The following COL22A1 variants were observed in gnomAD, a reference collection of about 807,000 sequenced individuals.
The protein encoded by COL22A1 is collagen alpha-1(XXII) chain.
A neutral mutation model predicts 248.9 loss-of-function variants in COL22A1; 221 were observed. That is an observed-to-expected ratio of 0.89 (90% CI 0.80 to 0.99). The LOEUF (loss-of-function observed/expected upper bound fraction) is 0.99. COL22A1 is among the 50% of genes least tolerant of loss of function. The probability of loss-of-function intolerance (pLI) is 0.00; values close to 1 mark genes in which losing one functional copy is unlikely to be tolerated. For missense variants in COL22A1, 2,240 were observed against 2,179.0 expected (o/e 1.03, Z -0.56); for synonymous variants, 891 against 793.4 (o/e 1.12, Z -2.07).
intron 3 of COL22A1, among the ~76,000 whole-genome samples, chr8:138,874,141 G>C (rs2132024704): frequency 6.6e-6 from 1 of 152,308 alleles, no homozygotes; most frequent in Middle Eastern, 3.4e-3. Flanking sequence ...ATTGTAAGGG[G>C]ATTTCATTTC....
intron 6 of COL22A1, chr8:138,825,823 A>C (rs1369157494): frequency 1.3e-5 from 2 of 152,204 alleles, no homozygotes; most frequent in Admixed American, 6.5e-5. Context: ...TTTTACTAGG[A>C]GAGGAGAAAG....
chr8:138,723,854 C>G (rs1236140220), intron 25 of COL22A1, among the ~76,000 whole-genome samples: 1 of 152,180 alleles, frequency 6.6e-6, no homozygotes, highest in African/African-American at 2.4e-5. Flanking sequence ...TCCACATTCT[C>G]CCATGGATCT....
At position 138,913,901 on chromosome 8, in the gene COL22A1, A is replaced by C. The variant is rs1815630637; in HGVS notation, c.-355T>G. On this transcript the variant is annotated 5_prime_UTR_variant, in exon 1 of 65. Transcript: ENST00000303045. ...TTAGAAGGAAAGGCTTGAAAGTTACAGAATGAGATAGAAAGTGTGTGAGAA... is the reference window on the plus strand; with the variant it reads ...TTAGAAGGAAAGGCTTGAAAGTTACCGAATGAGATAGAAAGTGTGTGAGAA... 6.6e-6 allele frequency: 1 copy of C among 152,378 alleles called. No individual in the cohort carries two copies. The highest frequency in any genetic ancestry group is 6.5e-5 in the Admixed American group (1 of 15,294). 9.4% of individuals were successfully genotyped at this position (152,378 alleles called of 1,614,324 possible).
chr8:138,762,294 C>T, intron 17 of COL22A1, 119 bp downstream of exon 17: 2 of 982,378 alleles, frequency 2.0e-6, no homozygotes, highest in East Asian at 2.5e-5. Context: ...CTGCAGCCTC[C>T]AGCTGAGCAA....
intron 42 of COL22A1, among the ~76,000 whole-genome samples, chr8:138,662,747 T>A (rs1824080089): frequency 6.6e-6 from 1 of 151,922 alleles, no homozygotes; most frequent in African/African-American, 2.4e-5. Context: ...CCATCTAGAG[T>A]CCCACCTGTC....
chr8:138,601,754 T>G (rs529372204), intron 60 of COL22A1, among the ~76,000 whole-genome samples: 1 of 152,296 alleles, frequency 6.6e-6, no homozygotes, highest in Non-Finnish European at 1.5e-5. Flanking sequence ...AAATTGGCAC[T>G]TCGGGAGCCG....
intron 47 of COL22A1, among the ~76,000 whole-genome samples, chr8:138,640,322 G>C (rs1821567449): frequency 6.6e-6 from 1 of 152,126 alleles, no homozygotes; most frequent in Admixed American, 6.5e-5. Context: ...TAAGAGTGCT[G>C]TCCTTCATGA....
intron 11 of COL22A1, among the ~76,000 whole-genome samples, chr8:138,799,332 T>C (rs1816814908): frequency 6.6e-6 from 1 of 152,252 alleles, no homozygotes; most frequent in Non-Finnish European, 1.5e-5. Flanking sequence ...TCAGGCAGTT[T>C]CTCTTGTCTG....
At chr8:138,809,712 G>A (rs763795793) in intron 9 of COL22A1, among the ~76,000 whole-genome samples, 21 of 151,752 alleles carry the variant, frequency 1.4e-4, no homozygotes, top group Non-Finnish European at 2.8e-4. Flanking sequence ...TAGAGACAGG[G>A]TTTCACCATG....
Position 138,662,076 on chromosome 8 carries a change from C to T in COL22A1, c.3194G>A (p.Arg1065Gln), listed in dbSNP as rs767847955. 19 of 1,612,008 alleles carry T rather than the reference C, an allele frequency of 1.2e-5. No homozygotes were observed. The highest frequency in any genetic ancestry group is 1.7e-4 in the Middle Eastern group (1 of 6,056). Residue 1065 changes from arginine (R) to glutamine (Q), a missense_variant, in exon 43 of 65, where the codon CGA (arginine) becomes CAA (glutamine). Transcript: ENST00000303045. ...GGGGCCAGGGAATCCAGGTAAGCCT[C>T]GTGATCCCTGAAGAAAAAGAAAAGA... ...PPGDKGSPGS[R>Q]GLPGFPGPQG... is the part of the protein sequence containing the mutation.
At chr8:138,690,798 T>C in intron 36 of COL22A1, 23 bp downstream of exon 36, 1 of 1,599,338 alleles carries the variant, frequency 6.3e-7, no homozygotes. Flanking sequence ...GGGCCGTGCG[T>C]ATGCCCTCTC....
intron 7 of COL22A1, among the ~76,000 whole-genome samples, chr8:138,816,250 G>C (rs1244326326): frequency 6.6e-6 from 1 of 152,146 alleles, no homozygotes; most frequent in African/African-American, 2.4e-5. Flanking sequence ...GGTGGGGTGA[G>C]AGGTCCTCTG....
At chr8:138,865,801 G>A (rs928881422) in intron 3 of COL22A1, among the ~76,000 whole-genome samples, 12 of 149,694 alleles carry the variant, frequency 8.0e-5, no homozygotes, top group African/African-American at 2.7e-4. Flanking sequence ...GCCTGTGTGT[G>A]TGTGTATGTT....
chr8:138,690,913 G>C, intron 35 of COL22A1, 39 bp from the exon 36 acceptor site: 1 of 1,551,716 alleles, frequency 6.4e-7, no homozygotes, highest in East Asian at 2.3e-5. Context: ...CAAACGCATT[G>C]ATTAGAAGTA....
intron 7 of COL22A1, among the ~76,000 whole-genome samples, chr8:138,818,078 C>T (rs566929748): frequency 6.6e-6 from 1 of 152,152 alleles, no homozygotes; most frequent in African/African-American, 2.4e-5. Flanking sequence ...TGTTTGGAAC[C>T]AGGGTTAGAA....
intron 25 of COL22A1, among the ~76,000 whole-genome samples, chr8:138,723,135 C>A (rs978655817): frequency 6.6e-6 from 1 of 152,140 alleles, no homozygotes; most frequent in African/African-American, 2.4e-5. Context: ...TTTCCCCCAG[C>A]GGAATATCTT....
At chr8:138,687,253 G>C (rs980087966) in intron 37 of COL22A1, among the ~76,000 whole-genome samples, 1 of 152,160 alleles carries the variant, frequency 6.6e-6, no homozygotes, top group Non-Finnish European at 1.5e-5. Context: ...CACCACGCCC[G>C]GCCCATAGGG....
At chr8:138,827,873 C>T (rs775555547) in intron 5 of COL22A1, among the ~76,000 whole-genome samples, 2 of 151,882 alleles carry the variant, frequency 1.3e-5, no homozygotes, top group Non-Finnish European at 2.9e-5. Flanking sequence ...CCCCCACCAA[C>T]ATGCAGCCTC....
chr8:138,635,030 G>A lies in COL22A1; in HGVS notation c.3589C>T (p.Pro1197Ser). 9 of 1,609,716 alleles carry A rather than the reference G, an allele frequency of 5.6e-6. No homozygotes were observed. Among genetic ancestry groups the A allele is most frequent in the Non-Finnish European group, 7.6e-6 (9 of 1,177,140 alleles). ...HPGVPGFMGP[P>S]GNPGPPGADG... Reference sequence around the variant, plus strand: ...CTTACTGGTGGCCCAGGGTTCCCTGGGGGCCCCATGAAACCTGGAACTCCA... The same window carrying A: ...CTTACTGGTGGCCCAGGGTTCCCTGAGGGCCCCATGAAACCTGGAACTCCA... Residue 1197 changes from proline to serine, a missense_variant, in exon 49 of 65, where the codon CCA (proline) becomes TCA (serine). By Grantham distance (74) the Pro-to-Ser change is moderately conservative (BLOSUM62 -1). Transcript: ENST00000303045.
Sources: gnomAD v4.1 joint callset for allele counts (sites outside exome capture counted in the v4.1 genomes callset) on GRCh38, gnomAD v4.1.1 for gene constraint, MANE v1.5 for transcripts, NCBI Gene and HGNC (gene_info 2026-07-23, HGNC 2026-07-21) for gene names.